MAPK10: variants seen among roughly 807,000 people sequenced by gnomAD.
The protein encoded by MAPK10 is JNK3 alpha protein kinase.
MAPK10 carries 25 observed loss-of-function variants against 59.3 expected under a neutral mutation model. The observed-to-expected ratio is 0.42, with a 90% CI of 0.31 to 0.59. The LOEUF (loss-of-function observed/expected upper bound fraction) is 0.59, where lower values mean the gene tolerates loss of function less well. MAPK10 is among the 20% of genes least tolerant of loss of function. MAPK10 has a pLI of 0.15. For synonymous variants in MAPK10, 190 were observed against 200.5 expected (o/e 0.95, Z 0.44); for missense variants, 351 against 568.9 (o/e 0.62, Z 3.90).
intron 2 of MAPK10, among the ~76,000 whole-genome samples, chr4:86,265,670 G>C (rs17011649): frequency 0.35 from 53,359 of 151,724 alleles, 12,043 homozygotes; most frequent in African/African-American, 0.65. Flanking sequence ...GTTTCGGGCA[G>C]TAAGAGAAGA....
At chr4:86,251,360 A>G (rs906596528) in intron 2 of MAPK10, among the ~76,000 whole-genome samples, 25 of 150,394 alleles carry the variant, frequency 1.7e-4, no homozygotes, top group African/African-American at 5.9e-4. Flanking sequence ...AGAGTGTGAT[A>G]TTCCCCTTCC....
chr4:86,068,689 A>G (rs1310099564), intron 9 of MAPK10, among the ~76,000 whole-genome samples: 1 of 152,194 alleles, frequency 6.6e-6, no homozygotes, highest in Non-Finnish European at 1.5e-5. Flanking sequence ...AAGTTTAGAA[A>G]GTACATTAAG....
At chr4:86,376,044 C>T (rs1739762309) in intron 1 of MAPK10, among the ~76,000 whole-genome samples, 2 of 152,240 alleles carry the variant, frequency 1.3e-5, no homozygotes, top group South Asian at 4.1e-4. Context: ...AAATATTATT[C>T]ACACTCAGTT....
chr4:86,534,227 A>G (rs755221837), intron 1 of MAPK10, among the ~76,000 whole-genome samples: 5 of 152,340 alleles, frequency 3.3e-5, no homozygotes, highest in Non-Finnish European at 7.3e-5. Context: ...TATGTCACTT[A>G]GACATTTTCA....
intron 2 of MAPK10, among the ~76,000 whole-genome samples, chr4:86,256,780 G>T (rs1407994128): frequency 8.5e-6 from 1 of 117,748 alleles, no homozygotes; most frequent in African/African-American, 3.3e-5. Context: ...TCTCTCTGTC[G>T]CCCAGGCTGG....
chr4:86,066,949 C>T (rs2046867421), intron 10 of MAPK10, among the ~76,000 whole-genome samples: 1 of 151,966 alleles, frequency 6.6e-6, no homozygotes, highest in South Asian at 2.1e-4. Context: ...CTTTTCCAAA[C>T]ACAGTAGAAT....
At chr4:86,577,423 T>C (rs987652579) in intron 1 of MAPK10, among the ~76,000 whole-genome samples, 1 of 151,916 alleles carries the variant, frequency 6.6e-6, no homozygotes, top group African/African-American at 2.4e-5. Context: ...ACAATAAAGA[T>C]AAAGAGAATC....
intron 3 of MAPK10, among the ~76,000 whole-genome samples, chr4:86,175,198 T>G (rs12513374): frequency 0.085 from 12,899 of 152,080 alleles, 1,213 homozygotes; most frequent in African/African-American, 0.23. Context: ...AAGTAAAAAT[T>G]TCATTTGGGA....
At chr4:86,477,909 C>G (rs1312417808) in intron 1 of MAPK10, among the ~76,000 whole-genome samples, 1 of 152,178 alleles carries the variant, frequency 6.6e-6, no homozygotes, top group African/African-American at 2.4e-5. Context: ...CTGACCCTGA[C>G]ACCCATCAGG....
chr4:86,413,322 C>A (rs916572064), intron 1 of MAPK10, among the ~76,000 whole-genome samples: 1 of 152,160 alleles, frequency 6.6e-6, no homozygotes, highest in African/African-American at 2.4e-5. Context: ...TGTCTGTCGG[C>A]CCCTACTGGG....
intron 2 of MAPK10, among the ~76,000 whole-genome samples, chr4:86,242,052 GTGT>G (rs1297396533): frequency 2.0e-5 from 3 of 152,104 alleles, no homozygotes; most frequent in Admixed American, 1.3e-4. Context: ...GGTGGTGGTG[GTGT>G]TGTTATTGTC....
chr4:86,331,577 C>T (rs2096154970), intron 2 of MAPK10, among the ~76,000 whole-genome samples: 1 of 152,104 alleles, frequency 6.6e-6, no homozygotes. Context: ...AGGATGTGAG[C>T]AGCGCACCAT....
intron 2 of MAPK10, among the ~76,000 whole-genome samples, chr4:86,310,088 T>C (rs1333061350): frequency 1.3e-5 from 2 of 152,194 alleles, no homozygotes; most frequent in African/African-American, 4.8e-5. Context: ...CAACCACTTA[T>C]TTCTCACCTA....
At chr4:86,588,180 A>G (rs1158997550) in intron 1 of MAPK10, among the ~76,000 whole-genome samples, 2 of 152,190 alleles carry the variant, frequency 1.3e-5, no homozygotes, top group African/African-American at 4.8e-5. Flanking sequence ...GTGGTTGTTC[A>G]TGGGTCCAAC....
At chr4:86,558,650 T>C (rs2149103306) in intron 1 of MAPK10, among the ~76,000 whole-genome samples, 1 of 152,266 alleles carries the variant, frequency 6.6e-6, no homozygotes, top group African/African-American at 2.4e-5. Flanking sequence ...CATTGCTAAG[T>C]TGAATTACTT....
intron 2 of MAPK10, among the ~76,000 whole-genome samples, chr4:86,256,499 T>C (rs2093715249): frequency 6.6e-6 from 1 of 152,026 alleles, no homozygotes; most frequent in Non-Finnish European, 1.5e-5. Context: ...CCATTAAAAT[T>C]AGAGAAAAAA....
rs1206607346 is a variant in MAPK10, at chr4:86,427,114, G to A, written c.-122+25916C>T. On this transcript the variant is annotated intron_variant, in intron 1 of 13. Transcript: ENST00000361569. ...TACTAAAAATACAAAAAAATTAGCC[G>A]GGTGTGGTGGCATGTGCCTGTAATT... Among the ~76,000 whole-genome samples the A allele has an allele frequency of 4.6e-5, 7 of 151,972 alleles. No individual in the cohort carries two copies. In the East Asian group the frequency reaches 1.2e-3, roughly 25 times the overall value.
At chr4:86,530,059 T>C (rs1271635967) in intron 1 of MAPK10, among the ~76,000 whole-genome samples, 1 of 147,322 alleles carries the variant, frequency 6.8e-6, no homozygotes, top group African/African-American at 2.5e-5. Flanking sequence ...GCTTTTGGTT[T>C]TGTTTTTCCT....
At chr4:86,572,594 G>A (rs1241753951) in intron 1 of MAPK10, among the ~76,000 whole-genome samples, 2 of 152,160 alleles carry the variant, frequency 1.3e-5, no homozygotes, top group African/African-American at 4.8e-5. Flanking sequence ...TAAAATACAG[G>A]TTTCGAGACA....
Sources: allele counts gnomAD v4.1 joint callset (sites outside exome capture counted in the v4.1 genomes callset), GRCh38; gene constraint gnomAD v4.1.1; transcripts MANE v1.5; gene names NCBI Gene and HGNC (gene_info 2026-07-23, HGNC 2026-07-21).